The following SMC1B variants were observed in gnomAD, a reference collection of about 807,000 sequenced individuals.
The protein encoded by SMC1B is structural maintenance of chromosomes protein 1B.
In SMC1B, 60 loss-of-function variants were observed where a neutral mutation model predicts 157.9. The ratio of observed to expected loss-of-function variants is 0.38; its 90% CI spans 0.31 to 0.47. SMC1B has a LOEUF of 0.47. Ranked by LOEUF, SMC1B falls within the 20% of genes least tolerant of loss-of-function variation. SMC1B has a pLI of 0.99. For synonymous variants in SMC1B, 445 were observed against 483.0 expected (o/e 0.92, Z 1.03); for missense variants, 1,165 against 1,426.2 (o/e 0.82, Z 2.95).
chr22:45,345,988 G>A (rs1407515113), intron 23 of SMC1B, among the ~76,000 whole-genome samples: 1 of 151,600 alleles, frequency 6.6e-6, no homozygotes, highest in Non-Finnish European at 1.5e-5. Context: ...CGGATCACCA[G>A]AGGTCAGGAG....
Position 45,383,532 on chromosome 22 carries a change from A to G in SMC1B, c.1993T>C (p.Cys665Arg). 2 of 1,610,614 alleles carry G rather than the reference A, an allele frequency of 1.2e-6. No individual in the cohort carries two copies. The highest frequency in any genetic ancestry group is 1.7e-6 in the Non-Finnish European group (2 of 1,178,962). Residue 665 changes from cysteine (C) to arginine (R), a missense_variant, in exon 12 of 25, where the codon TGC becomes CGC. Physicochemically the swap from Cys to Arg is radical, Grantham distance 180. Transcript: ENST00000357450. ...TTCTTTAACTCTTTCTCATCCCAGC[A>G]TCTAGCCTTGTATTTTAAGTCACTT... ...GSSDLKYKAR[C>R]WDEKELKNLR...
chr22:45,348,156 C>A (rs897861857), intron 23 of SMC1B, among the ~76,000 whole-genome samples: 2 of 152,220 alleles, frequency 1.3e-5, no homozygotes, highest in African/African-American at 4.8e-5. Context: ...GACTAAAATT[C>A]AACTCCTAAG....
intron 12 of SMC1B, among the ~76,000 whole-genome samples, chr22:45,372,943 G>C (rs1164243749): frequency 6.6e-6 from 1 of 151,970 alleles, no homozygotes; most frequent in East Asian, 1.9e-4. Flanking sequence ...TCGATCTCCT[G>C]ATCTTGTGAT....
intron 2 of SMC1B, 58 bp downstream of exon 2, chr22:45,408,652 A>C: frequency 8.2e-7 from 1 of 1,224,888 alleles, no homozygotes; most frequent in Non-Finnish European, 1.1e-6. Flanking sequence ...GAAAGAAAAA[A>C]TGGGCAATCT....
chr22:45,405,424 C>A (rs1022899408), intron 4 of SMC1B, among the ~76,000 whole-genome samples: 1 of 151,910 alleles, frequency 6.6e-6, no homozygotes, highest in Non-Finnish European at 1.5e-5. Context: ...CGGTGGCGGG[C>A]ACCTGTAGTC....
chr22:45,370,177 G>C (rs2086817623), intron 14 of SMC1B, 117 bp from the exon 15 acceptor site: 1 of 530,012 alleles, frequency 1.9e-6, no homozygotes, highest in African/African-American at 2.0e-5. Flanking sequence ...ATCCCACCAA[G>C]CATTACTGTA....
intron 18 of SMC1B, 141 bp downstream of exon 18, chr22:45,359,664 C>A (rs2086702042): frequency 2.6e-6 from 2 of 760,526 alleles, no homozygotes; most frequent in African/African-American, 3.5e-5. Context: ...TCTGAGATGA[C>A]AGTCATTTTG....
Position 45,401,889 on chromosome 22 carries a change from C to CA in SMC1B, c.854+443_854+444insT, listed in dbSNP as rs548673327. 1.6e-3 allele frequency among the ~76,000 whole-genome samples: 240 copies of CA among 147,424 alleles called. 1 individual carries two copies. Among genetic ancestry groups the CA allele is most frequent in the African/African-American group, 5.6e-3 (227 of 40,538 alleles). On this transcript the variant is annotated intron_variant, in intron 5 of 24. Coordinates refer to ENST00000357450, the MANE Select transcript of SMC1B (RefSeq NM_148674.5). The stretch of plus-strand genomic sequence containing the variant: ...CCACTTCAGGACCATTCTACACCAC[C>CA]TTTTTTTTTTTTGAGATGGAGTCTC...
rs957884640 is a variant in SMC1B, at chr22:45,399,027, T to A, written c.1113+68A>T. ...AATATCAGAGAGGTCATCTTTTAAA[T>A]TTTTTTCTAATTCAAAGCAGCTGAA... On this transcript the variant is annotated intron_variant, in intron 6 of 24. Transcript: ENST00000357450. 5 of 1,480,408 alleles carry A rather than the reference T, an allele frequency of 3.4e-6. No individual in the cohort carries two copies. In the South Asian group the frequency reaches 6.5e-5, roughly 19 times the overall value. 91.7% of individuals were successfully genotyped at this position (1,480,408 alleles called of 1,614,324 possible). A position where few individuals can be genotyped will look rare whatever the true frequency, so the allele number is the denominator to read the frequency against.
At chr22:45,410,131 C>T (rs2087314745) in intron 1 of SMC1B, among the ~76,000 whole-genome samples, 1 of 152,184 alleles carries the variant, frequency 6.6e-6, no homozygotes, top group African/African-American at 2.4e-5. Context: ...GACTTTGCCT[C>T]ATATATCCTT....
intron 23 of SMC1B, among the ~76,000 whole-genome samples, chr22:45,346,769 G>GT (rs2086556308): frequency 6.6e-6 from 1 of 152,178 alleles, no homozygotes; most frequent in African/African-American, 2.4e-5. Context: ...CAGGGCATGC[G>GT]TTTTTCCTGG....
At chr22:45,369,700 G>A (rs974528597) in intron 15 of SMC1B, among the ~76,000 whole-genome samples, 4 of 151,336 alleles carry the variant, frequency 2.6e-5, no homozygotes, top group African/African-American at 9.7e-5. Context: ...CTGCCACCAC[G>A]CCTGGCTAAT....
At chr22:45,358,964 C>T in intron 18 of SMC1B, among the ~76,000 whole-genome samples, 169 bp from the exon 19 acceptor site, 1 of 152,002 alleles carries the variant, frequency 6.6e-6, no homozygotes, top group Non-Finnish European at 1.5e-5. Flanking sequence ...CGAGAATTAT[C>T]AAAATGTGAC....
intron 4 of SMC1B, 79 bp downstream of exon 4, chr22:45,406,381 C>T: frequency 8.6e-7 from 1 of 1,161,734 alleles, no homozygotes; most frequent in Non-Finnish European, 1.2e-6. Flanking sequence ...TCTTGGTAAG[C>T]CCAAGCCCAT....
At chr22:45,401,945 G>T (rs1033646839) in intron 5 of SMC1B, among the ~76,000 whole-genome samples, 1 of 151,802 alleles carries the variant, frequency 6.6e-6, no homozygotes, top group East Asian at 1.9e-4. Context: ...GTGTAGTGGC[G>T]TGATCTCGGC....
chr22:45,349,822 AG>A (rs1389562828), intron 22 of SMC1B, 25 bp from the exon 23 acceptor site: 3 of 1,557,178 alleles, frequency 1.9e-6, no homozygotes, highest in Admixed American at 3.7e-5. Context: ...CAATCAAGTA[AG>A]TTACAATTTT....
chr22:45,412,110 C>T (rs1338394135), intron 1 of SMC1B, among the ~76,000 whole-genome samples: 1 of 152,264 alleles, frequency 6.6e-6, no homozygotes, highest in Non-Finnish European at 1.5e-5. Context: ...TAACTCCTGA[C>T]CTAAGGTGAT....
At chr22:45,408,947 C>A in intron 1 of SMC1B, 49 bp from the exon 2 acceptor site, 2 of 1,212,662 alleles carry the variant, frequency 1.6e-6, no homozygotes, top group East Asian at 2.6e-5. Context: ...TGATAAAAAG[C>A]CCTACCCAGA....
At chr22:45,371,720 T>A in intron 13 of SMC1B, 133 bp from the exon 14 acceptor site, 1 of 1,064,646 alleles carries the variant, frequency 9.4e-7, no homozygotes, top group Admixed American at 3.3e-5. Flanking sequence ...GGATAAAAGG[T>A]TAAATACCAC....
Sources: allele counts gnomAD v4.1 joint callset (sites outside exome capture counted in the v4.1 genomes callset), GRCh38; gene constraint gnomAD v4.1.1; transcripts MANE v1.5; gene names NCBI Gene and HGNC (gene_info 2026-07-23, HGNC 2026-07-21).